KMT2B: variants seen among roughly 807,000 people sequenced by gnomAD.
KMT2B encodes the protein histone-lysine N-methyltransferase 2B.
Under a neutral mutation model 255.3 loss-of-function variants are expected in KMT2B, and 22 were observed. The observed-to-expected ratio is 0.09, with a 90% CI of 0.06 to 0.12. The LOEUF (loss-of-function observed/expected upper bound fraction) is 0.12. KMT2B is among the 10% of genes least tolerant of loss of function. KMT2B has a pLI of 1.00. For synonymous variants in KMT2B, 1,730 were observed against 1,498.1 expected, an observed-to-expected ratio of 1.15 and a Z score of -3.57; for missense variants, 3,149 against 3,737.0, an observed-to-expected ratio of 0.84 and a Z score of 4.10.
chr19:35,733,288 G>A lies in KMT2B; in HGVS notation c.6739G>A (p.Gly2247Arg), dbSNP rs376011791. The A allele has an allele frequency of 2.1e-5, 31 of 1,486,656 alleles. No homozygotes were observed. In the East Asian group the frequency reaches 2.5e-4, roughly 12 times the overall value. 92.1% of individuals were successfully genotyped at this position (1,486,656 alleles called of 1,614,324 possible). ...CCTCCTCGGCGTGCTGCCCGTGGTC[G>A]GAGTGGTCCGCCCTGCCCCGCCCCC... The part of the protein sequence containing the change: ...GPLLGVLPVV[G>R]VVRPAPPPPP... The change falls in exon 28 of 37, where the codon GGA becomes AGA. Residue 2247 changes from glycine (G) to arginine (R), a missense_variant. Transcript: ENST00000420124. This position sits in a 1 kb window ranked among gnomAD's most constrained non-coding sequence, Gnocchi z 4.3.
At position 35,722,548 on chromosome 19, in the gene KMT2B, C is replaced by T; in HGVS notation, c.2572-20C>T. On this transcript the variant is annotated intron_variant, in intron 4 of 36. Coordinates refer to ENST00000420124, the MANE Select transcript of KMT2B (RefSeq NM_014727.3). ...TGCGGGAGCGCAAGCTGCCCACACA[C>T]ACTCCGATTTCTCCCCCAGGGTCCC... 4 of 1,596,996 alleles carry T rather than the reference C, an allele frequency of 2.5e-6. No homozygotes were observed. Among genetic ancestry groups the T allele is most frequent in the Non-Finnish European group, 3.4e-6 (4 of 1,173,870 alleles).
intron 22 of KMT2B, among the ~76,000 whole-genome samples, chr19:35,729,622 G>A (rs1215535532): frequency 6.6e-6 from 1 of 152,186 alleles, no homozygotes; most frequent in African/African-American, 2.4e-5. Context: ...TCACAGTGGT[G>A]CCTGGGCCAG....
rs1172025068 is a variant in KMT2B, at chr19:35,732,781, C to G, written c.6232C>G (p.Pro2078Ala). The G allele has an allele frequency of 3.1e-6, 5 of 1,607,860 alleles. No homozygotes were observed. The highest frequency in any genetic ancestry group is 1.3e-5 in the African/African-American group (1 of 74,868). ...CAGTGAGGCTGAGGCGGTGCAGCAG[C>G]CTCGGGGCCAGGGCACGCCTCCTTC... is the stretch of plus-strand genomic sequence containing the variant. ...TDSEAEAVQQPRGQGTPPSGP... is the reference protein window; with the variant it reads ...TDSEAEAVQQARGQGTPPSGP... The change falls in exon 28 of 37, where the codon CCT becomes GCT. Residue 2078 changes from proline (P) to alanine (A), a missense_variant. Coordinates refer to ENST00000420124, the MANE Select transcript of KMT2B (RefSeq NM_014727.3).
In KMT2B at chr19:35,721,505, T is replaced by C; in HGVS notation, c.2158T>C (p.Ser720Pro). 3 of 1,612,026 alleles carry C rather than the reference T, an allele frequency of 1.9e-6. No homozygotes were observed. The highest frequency in any genetic ancestry group is 2.5e-6 in the Non-Finnish European group (3 of 1,179,798). The change falls in exon 3 of 37, where the codon TCC becomes CCC. Residue 720 changes from serine to proline, a missense_variant. Coordinates refer to ENST00000420124, the MANE Select transcript of KMT2B (RefSeq NM_014727.3). ...CACCACTCCTGTTAAGGCCGAGGTG[T>C]CCCCTCACGGGGCTCCAGCTCTGAG... ...VVTTPVKAEV[S>P]PHGAPALSNG... is the part of the protein sequence containing the mutation.
At chr19:35,724,960 C>G (rs1328346441) in intron 9 of KMT2B, 29 bp from the exon 10 acceptor site, 1 of 1,503,964 alleles carries the variant, frequency 6.6e-7, no homozygotes, top group Non-Finnish European at 9.3e-7. Flanking sequence ...AGGCTGGCAG[C>G]TCTGAATTCC....
At position 35,733,311 on chromosome 19, in the gene KMT2B, C is replaced by CCCGCCA; in HGVS notation, c.6765_6770dup (p.Pro2258_Pro2259dup). 1 of 1,442,448 alleles carries CCCGCCA rather than the reference C, an allele frequency of 6.9e-7. No homozygotes were observed. 89.4% of individuals were successfully genotyped at this position (1,442,448 alleles called of 1,614,324 possible). A position where few individuals can be genotyped will look rare whatever the true frequency, so the allele number is the denominator to read the frequency against. ...TCGGAGTGGTCCGCCCTGCCCCGCC[C>CCCGCCA]CCGCCACCCCCTCCCCTGACGCTGG... On this transcript the variant is annotated inframe_insertion, in exon 28 of 37. Coordinates refer to ENST00000420124, the MANE Select transcript of KMT2B (RefSeq NM_014727.3). This position sits in a 1 kb window ranked among gnomAD's most constrained non-coding sequence, Gnocchi z 4.3.
At chr19:35,735,857 TCTA>T (rs1969892197) in intron 30 of KMT2B, 1 of 152,280 alleles carries the variant, frequency 6.6e-6, no homozygotes. Context: ...CACATCCACA[TCTA>T]CTACGTCAGC....
chr19:35,733,620 C>T lies in KMT2B; in HGVS notation c.6983C>T (p.Thr2328Ile). 6.3e-7 allele frequency: 1 copy of T among 1,589,204 alleles called. No individual in the cohort carries two copies. ...SGGFSRVRMK[T>I]PTVRGVLDLD... ...AGGTTTAGCCGTGTGAGGATGAAAA[C>T]CCCCACAGTGCGTGGGGTCCTTGAC... The change falls in exon 29 of 37, where the codon ACC becomes ATC. Residue 2328 changes from threonine to isoleucine, a missense_variant. Thr to Ile is a moderately conservative substitution (Grantham distance 89). Transcript: ENST00000420124. This position sits in a 1 kb window ranked among gnomAD's most constrained non-coding sequence, Gnocchi z 4.3.
rs374561411 is a variant in KMT2B at position 35,732,600 on chromosome 19, C to T, written c.6051C>T (p.His2017=). The T allele has an allele frequency of 8.6e-4, 1,384 of 1,612,714 alleles. 2 individuals carry two copies. Among genetic ancestry groups the T allele is most frequent in the Non-Finnish European group, 1.1e-3 (1,284 of 1,179,544 alleles). ...CCGCTGGGGCCATGGGGAGCAGCCA[C>T]GGGGGCCCGGGGGACAGCTCCGAGG... ...IVAAGAMGSS[H]GGPGDSSEEE... is the part of the protein sequence containing the mutation. The change falls in exon 28 of 37, where the codon CAC becomes CAT. Residue 2017 remains histidine, a synonymous_variant. Transcript: ENST00000420124.
rs1408358697 is a variant in KMT2B, at chr19:35,723,603, T to A, written c.3058+101T>A. ...CTCTCCTCCCTTGCAGCTCACCCTCTCCATCTTCTCCGTTGTGTGCTTTCA... is the reference window on the plus strand; with the variant it reads ...CTCTCCTCCCTTGCAGCTCACCCTCACCATCTTCTCCGTTGTGTGCTTTCA... On this transcript the variant is annotated intron_variant, in intron 7 of 36. Coordinates refer to ENST00000420124, the MANE Select transcript of KMT2B (RefSeq NM_014727.3). The surrounding 1 kb of genome is among the most constrained non-coding windows in gnomAD (Gnocchi z 7.5). 7.7e-7 allele frequency: 1 copy of A among 1,299,564 alleles called. No homozygotes were observed. Among genetic ancestry groups the A allele is most frequent in the Non-Finnish European group, 1.1e-6 (1 of 947,036 alleles). The allele number at this position is 1,299,564 out of a possible 1,614,324, so 80.5% of individuals were successfully genotyped here.
intron 2 of KMT2B, 102 bp downstream of exon 2, chr19:35,719,643 T>A: frequency 6.7e-7 from 1 of 1,499,430 alleles, no homozygotes; most frequent in East Asian, 2.3e-5. Flanking sequence ...AGTTGCCGAA[T>A]GTGTTCTGTG....
Position 35,738,502 on chromosome 19 carries a change from G to A in KMT2B, c.8093G>A (p.Ser2698Asn), listed in dbSNP as rs1392006340. 2.5e-6 allele frequency: 4 copies of A among 1,613,932 alleles called. No homozygotes were observed. The highest frequency in any genetic ancestry group is 1.3e-5 in the African/African-American group (1 of 74,940). Residue 2698 changes from serine to asparagine, a missense_variant, in exon 37 of 37, where the codon AGC becomes AAC. This residue lies in a region of KMT2B where 56 missense variants were observed against 238.8 expected (regional missense o/e 0.23). Coordinates refer to ENST00000420124, the MANE Select transcript of KMT2B (RefSeq NM_014727.3). This position sits in a 1 kb window ranked among gnomAD's most constrained non-coding sequence, Gnocchi z 8.7. The stretch of plus-strand genomic sequence containing the variant: ...TACAAGTTCCCCATCGAGGATGCCA[G>A]CAACAAGCTGCCCTGCAACTGTGGC... ...YDYKFPIEDASNKLPCNCGAK... is the reference protein window; with the variant it reads ...YDYKFPIEDANNKLPCNCGAK...
rs1038299888 is a variant in KMT2B, at chr19:35,732,065, C to T, written c.5595C>T (p.Ile1865=). The T allele has an allele frequency of 5.6e-6, 9 of 1,610,974 alleles. No homozygotes were observed. The highest frequency in any genetic ancestry group is 7.6e-6 in the Non-Finnish European group (9 of 1,178,720). ...CCCGTTCTTTTTCGGGGGCTCGAAT[C>T]AAAGTGCCCAACTACTCGCCATCCC... ...PAPRSFSGAR[I]KVPNYSPSRR... Residue 1865 remains isoleucine (I), a synonymous_variant, in exon 27 of 37, where the codon ATC becomes ATT. Coordinates refer to ENST00000420124, the MANE Select transcript of KMT2B (RefSeq NM_014727.3).
chr19:35,724,704 G>A lies in KMT2B; in HGVS notation c.3402G>A (p.Gln1134=). 6.3e-7 allele frequency: 1 copy of A among 1,596,826 alleles called. No homozygotes were observed. The highest frequency in any genetic ancestry group is 1.3e-5 in the African/African-American group (1 of 74,730). The stretch of plus-strand genomic sequence containing the variant: ...AACCTACCCTGCAGCCTGTGTTGCA[G>A]CTCAAGGCCCGAAGGCGCCTGGACA... The part of the protein sequence containing the change: ...PRKPTLQPVL[Q]LKARRRLDKD... The change falls in exon 9 of 37, where the codon CAG becomes CAA. Residue 1134 remains glutamine (Q), a synonymous_variant. Transcript: ENST00000420124.
chr19:35,737,047 C>T lies in KMT2B; in HGVS notation c.7373-39C>T, dbSNP rs1419847126. 3 of 1,610,080 alleles carry T rather than the reference C, an allele frequency of 1.9e-6. No homozygotes were observed. Among genetic ancestry groups the T allele is most frequent in the Non-Finnish European group, 2.5e-6 (3 of 1,178,038 alleles). On this transcript the variant is annotated intron_variant, in intron 32 of 36. Coordinates refer to ENST00000420124, the MANE Select transcript of KMT2B (RefSeq NM_014727.3). The surrounding 1 kb of genome is among the most constrained non-coding windows in gnomAD (Gnocchi z 5.3). The stretch of plus-strand genomic sequence containing the variant: ...ATGTCTCCCCGAGGGCACCATGGGC[C>T]CTCCACATGACAGGTGTGTCCTCAA...
Position 35,737,298 on chromosome 19 carries a change from C to G in KMT2B, c.7550+35C>G. ...CTGGGGTGTGATGCCTGGGTCAGGG[C>G]GCCCCTATGAGAGCTCTTGAGGGTG... On this transcript the variant is annotated intron_variant, in intron 33 of 36. Coordinates refer to ENST00000420124, the MANE Select transcript of KMT2B (RefSeq NM_014727.3). The surrounding 1 kb of genome is among the most constrained non-coding windows in gnomAD (Gnocchi z 5.3). 6.8e-7 allele frequency: 1 copy of G among 1,464,518 alleles called. No individual in the cohort carries two copies. The highest frequency in any genetic ancestry group is 1.4e-5 in the South Asian group (1 of 70,042). The allele number at this position is 1,464,518 out of a possible 1,614,324, so 90.7% of individuals were successfully genotyped here.
chr19:35,721,831 C>T, intron 3 of KMT2B, 27 bp downstream of exon 3: 1 of 1,528,724 alleles, frequency 6.5e-7, no homozygotes, highest in Non-Finnish European at 8.8e-7. Context: ...GGCCCAGCGG[C>T]ACACCCAGCC....
chr19:35,729,080 A>AG lies in KMT2B; in HGVS notation c.4779+7dup. The AG allele has an allele frequency of 6.2e-7, 1 of 1,613,942 alleles. No homozygotes were observed. The highest frequency in any genetic ancestry group is 1.1e-5 in the South Asian group (1 of 91,086). On this transcript the variant is annotated splice_donor_region_variant and intron_variant, in intron 21 of 36. Coordinates refer to ENST00000420124, the MANE Select transcript of KMT2B (RefSeq NM_014727.3). ...ATACGGGGATGCAGACTCCAAGGTG[A>AG]GGGCTGCTCTGTGACGCACCAGGTT...
chr19:35,720,232 C>T lies in KMT2B; in HGVS notation c.885C>T (p.Arg295=), dbSNP rs200352707. ...SSRGGRGGRG[R]GRGGGLPFVI... ...GTGGAGGCCGTGGAGGCAGGGGCCG[C>T]GGCCGAGGTGGTGGGCTCCCCTTTG... The change falls in exon 3 of 37, where the codon CGC becomes CGT. Residue 295 remains arginine (R), a synonymous_variant. Coordinates refer to ENST00000420124, the MANE Select transcript of KMT2B (RefSeq NM_014727.3). 544 of 1,611,172 alleles carry T rather than the reference C, an allele frequency of 3.4e-4. 2 individuals carry two copies. In the African/African-American group the frequency reaches 5.5e-3, roughly 16 times the overall value.
Sources: gnomAD v4.1 joint callset for allele counts (sites outside exome capture counted in the v4.1 genomes callset) on GRCh38, gnomAD v4.1.1 for gene constraint, gnomAD v4.1.1 regional missense constraint, Gnocchi (gnomAD v3.1) non-coding constraint, MANE v1.5 for transcripts, NCBI Gene and HGNC (gene_info 2026-07-23, HGNC 2026-07-21) for gene names.